SGCZ: variants seen among roughly 807,000 people sequenced by gnomAD.
SGCZ encodes sarcoglycan zeta, also known as zeta-sarcoglycan.
A neutral mutation model predicts 41.3 loss-of-function variants in SGCZ; 40 were observed. The ratio of observed to expected loss-of-function variants is 0.97; its 90% CI spans 0.75 to 1.26. The LOEUF is 1.26. Ranked by LOEUF, SGCZ falls within the 50% of genes most tolerant of loss-of-function variation. The pLI is 0.00. For missense variants in SGCZ, 552 were observed against 369.8 expected, an observed-to-expected ratio of 1.49 and a Z score of -4.04; for synonymous variants, 206 against 137.5, an observed-to-expected ratio of 1.50 and a Z score of -3.49.
intron 4 of SGCZ, among the ~76,000 whole-genome samples, chr8:14,205,278 C>G (rs991795461): frequency 6.6e-6 from 1 of 152,020 alleles, no homozygotes; most frequent in Non-Finnish European, 1.5e-5. Context: ...TCCCCCTCAA[C>G]ATGCTAACTA....
chr8:15,124,642 T>C (rs545388733), intron 1 of SGCZ, among the ~76,000 whole-genome samples: 1 of 152,328 alleles, frequency 6.6e-6, no homozygotes, highest in African/African-American at 2.4e-5. Context: ...TCCAAGCTCC[T>C]GATTCTCCTG....
chr8:15,164,888 T>G (rs576549055), intron 1 of SGCZ, among the ~76,000 whole-genome samples: 1 of 152,120 alleles, frequency 6.6e-6, no homozygotes, highest in African/African-American at 2.4e-5. Flanking sequence ...GGAATAAGCT[T>G]CTTTCTGGTT....
chr8:14,908,913 G>C (rs917080702), intron 1 of SGCZ, among the ~76,000 whole-genome samples: 2 of 152,042 alleles, frequency 1.3e-5, no homozygotes, highest in Non-Finnish European at 2.9e-5. Context: ...ATTGTATTAG[G>C]TTCACCAAAT....
At chr8:15,110,695 G>A (rs1047536726) in intron 1 of SGCZ, among the ~76,000 whole-genome samples, 3 of 152,182 alleles carry the variant, frequency 2.0e-5, no homozygotes, top group Non-Finnish European at 4.4e-5. Context: ...GAGGCCAGGC[G>A]TGGTGGCTCA....
chr8:14,303,004 G>T (rs1801245899), intron 3 of SGCZ, among the ~76,000 whole-genome samples: 3 of 152,090 alleles, frequency 2.0e-5, no homozygotes, highest in African/African-American at 7.2e-5. Flanking sequence ...GGCCTCCTTT[G>T]CTCTAGCATG....
At chr8:14,122,882 G>A (rs1167024591) in intron 5 of SGCZ, among the ~76,000 whole-genome samples, 1 of 152,178 alleles carries the variant, frequency 6.6e-6, no homozygotes, top group Non-Finnish European at 1.5e-5. Context: ...AAGTGAGCCA[G>A]CTACCTCAAC....
intron 1 of SGCZ, among the ~76,000 whole-genome samples, chr8:14,829,233 C>CCAACACTCT (rs375517040): frequency 0.097 from 14,796 of 151,834 alleles, 1,175 homozygotes; most frequent in African/African-American, 0.22. Context: ...ATATTGTTGC[C>CCAACACTCT]GTCTATATAT....
intron 3 of SGCZ, among the ~76,000 whole-genome samples, chr8:14,282,770 G>T (rs4831292): frequency 0.69 from 104,558 of 151,070 alleles, 36,398 homozygotes; most frequent in Admixed American, 0.72. Flanking sequence ...CCACCTATTA[G>T]CTCTTCTGGC....
intron 5 of SGCZ, among the ~76,000 whole-genome samples, chr8:14,121,219 A>G (rs1802686929): frequency 6.6e-6 from 1 of 151,954 alleles, no homozygotes; most frequent in Non-Finnish European, 1.5e-5. Flanking sequence ...CAATTAAATT[A>G]CATTAAATAT....
At chr8:14,808,969 C>G (rs1197341207) in intron 1 of SGCZ, among the ~76,000 whole-genome samples, 3 of 151,066 alleles carry the variant, frequency 2.0e-5, no homozygotes, top group East Asian at 2.0e-4. Flanking sequence ...TCTCAGTAAA[C>G]TATCGCAAGA....
chr8:14,109,591 T>C (rs1257534276), intron 5 of SGCZ, among the ~76,000 whole-genome samples: 2 of 152,128 alleles, frequency 1.3e-5, no homozygotes, highest in African/African-American at 4.8e-5. Context: ...AACAAATCTG[T>C]TTTTGTCTAA....
intron 1 of SGCZ, among the ~76,000 whole-genome samples, chr8:15,194,226 C>T (rs1361970066): frequency 6.7e-6 from 1 of 149,032 alleles, no homozygotes; most frequent in African/African-American, 2.5e-5. Flanking sequence ...CACACACACA[C>T]ACCACAACCC....
At chr8:14,793,687 G>C (rs1246694011) in intron 1 of SGCZ, among the ~76,000 whole-genome samples, 1 of 152,072 alleles carries the variant, frequency 6.6e-6, no homozygotes, top group African/African-American at 2.4e-5. Flanking sequence ...GGGTAGGCAT[G>C]GGTGAAACTG....
intron 1 of SGCZ, among the ~76,000 whole-genome samples, chr8:14,974,760 T>C (rs371269819): frequency 5.3e-5 from 8 of 151,332 alleles, no homozygotes; most frequent in African/African-American, 1.2e-4. Context: ...TTGTGAACTA[T>C]AGTCCATGAT....
At chr8:14,858,918 C>T (rs188892591) in intron 1 of SGCZ, among the ~76,000 whole-genome samples, 137 of 152,110 alleles carry the variant, frequency 9.0e-4, no homozygotes, top group African/African-American at 3.2e-3. Context: ...TACATGAAAG[C>T]TCAATGTTTT....
chr8:14,554,196 A>T (rs943571360), intron 2 of SGCZ, among the ~76,000 whole-genome samples: 6 of 152,078 alleles, frequency 3.9e-5, no homozygotes, highest in Non-Finnish European at 5.9e-5. Context: ...GCTATGAAAG[A>T]ATGGGATCAC....
chr8:14,302,605 G>A (rs1801233734), intron 3 of SGCZ, among the ~76,000 whole-genome samples: 2 of 152,066 alleles, frequency 1.3e-5, no homozygotes, highest in Non-Finnish European at 2.9e-5. Context: ...TGGCTGGCTG[G>A]CTCCTTCATC....
At position 14,742,308 on chromosome 8, in the gene SGCZ, C is replaced by CTT. The variant is rs1799217894; in HGVS notation, c.40-187383_40-187382insAA. Among the ~76,000 whole-genome samples the CTT allele has an allele frequency of 2.0e-5, 3 of 151,924 alleles. No homozygotes were observed. In the South Asian group the frequency reaches 6.2e-4, roughly 31 times the overall value. Reference sequence around the variant, plus strand: ...ACATAAGCACTTATGCACGTGCACGCGCGCTCACACACACACACACCTCAG... The same window carrying CTT: ...ACATAAGCACTTATGCACGTGCACGCTTGCGCTCACACACACACACACCTCAG... On this transcript the variant is annotated intron_variant, in intron 1 of 7. Transcript: ENST00000382080.
At chr8:14,214,714 A>C (rs1805934030) in intron 4 of SGCZ, among the ~76,000 whole-genome samples, 1 of 152,116 alleles carries the variant, frequency 6.6e-6, no homozygotes, top group African/African-American at 2.4e-5. Flanking sequence ...TAAAAAAAGC[A>C]GGAATATCTA....
Sources: gnomAD v4.1 joint callset for allele counts (sites outside exome capture counted in the v4.1 genomes callset) on GRCh38, gnomAD v4.1.1 for gene constraint, MANE v1.5 for transcripts, NCBI Gene and HGNC (gene_info 2026-07-23, HGNC 2026-07-21) for gene names.